The following RBFOX1 variants were observed in gnomAD, a reference collection of about 807,000 sequenced individuals.
RBFOX1 encodes the protein RNA binding fox-1 homolog 1.
Under a neutral mutation model 57.7 loss-of-function variants are expected in RBFOX1, and 8 were observed. That is an observed-to-expected ratio of 0.14 (90% CI 0.08 to 0.25). The LOEUF is 0.25. Among genes scored for constraint, RBFOX1 ranks in the 10% least tolerant of loss-of-function variants. The pLI is 1.00. For missense variants in RBFOX1, 611 were observed against 548.5 expected (o/e 1.11, Z -1.14); for synonymous variants, 326 against 222.4 (o/e 1.47, Z -4.15).
intron 3 of RBFOX1, among the ~76,000 whole-genome samples, chr16:6,744,850 T>C (rs1346928667): frequency 6.6e-6 from 1 of 152,030 alleles, no homozygotes; most frequent in African/African-American, 2.4e-5. Context: ...TTGAAATCAA[T>C]AAAACAGGTA....
rs916155028 is a variant in RBFOX1 at position 6,899,109 on chromosome 16, A to G, written c.-15-152948A>G. 7.9e-5 allele frequency among the ~76,000 whole-genome samples: 12 copies of G among 151,514 alleles called. No individual in the cohort carries two copies. In the East Asian group the frequency reaches 1.7e-3, roughly 22 times the overall value. On this transcript the variant is annotated intron_variant, in intron 3 of 15. Transcript: ENST00000550418. The stretch of plus-strand genomic sequence containing the variant: ...GTGTATAATGTGTGTACATCTGTGT[A>G]TACGTGTTTATGCATATGTGTATAT...
intron 1 of RBFOX1, among the ~76,000 whole-genome samples, chr16:5,315,593 T>C (rs1043186272): frequency 6.6e-6 from 1 of 152,174 alleles, no homozygotes; most frequent in South Asian, 2.1e-4. Context: ...GAATCACAAT[T>C]ATGCCTGATG....
chr16:6,403,319 G>T, intron 2 of RBFOX1, among the ~76,000 whole-genome samples: 1 of 152,154 alleles, frequency 6.6e-6, no homozygotes, highest in African/African-American at 2.4e-5. Context: ...AAGAACCCAA[G>T]CAATAAGGGG....
At chr16:5,269,878 G>T (rs373873269) in intron 1 of RBFOX1, among the ~76,000 whole-genome samples, 9 of 152,158 alleles carry the variant, frequency 5.9e-5, no homozygotes, top group African/African-American at 1.9e-4. Context: ...TTCCAGGCTG[G>T]GCATGGTGGC....
intron 4 of RBFOX1, among the ~76,000 whole-genome samples, chr16:5,893,413 A>T (rs1467042013): frequency 1.3e-5 from 2 of 152,218 alleles, no homozygotes; most frequent in Non-Finnish European, 2.9e-5. Flanking sequence ...TAACTAAAAG[A>T]GTCTAACTGG....
rs531792610 is a variant in RBFOX1 at position 7,618,532 on chromosome 16, GT to G, written c.676+11203del. Among the ~76,000 whole-genome samples the G allele has an allele frequency of 3.9e-3, 592 of 150,652 alleles. 1 individual carries two copies. Among genetic ancestry groups the G allele is most frequent in the Non-Finnish European group, 5.9e-3 (396 of 67,560 alleles). On this transcript the variant is annotated intron_variant, in intron 10 of 15. Transcript: ENST00000550418. Reference sequence around the variant, plus strand: ...AGCGATTTCAAACGCAAGGTGACATGTTTTTTTTTAATGTTTTAACTTGTTA... The same window carrying G: ...AGCGATTTCAAACGCAAGGTGACATGTTTTTTTTAATGTTTTAACTTGTTA...
intron 4 of RBFOX1, among the ~76,000 whole-genome samples, chr16:5,873,164 A>AAAC (rs57510700): frequency 0.21 from 31,855 of 151,550 alleles, 3,688 homozygotes; most frequent in African/African-American, 0.3. Context: ...ACAAAGAAAC[A>AAAC]AACAACAACA....
At chr16:6,414,132 C>A (rs1340913100) in intron 2 of RBFOX1, among the ~76,000 whole-genome samples, 3 of 152,158 alleles carry the variant, frequency 2.0e-5, no homozygotes, top group South Asian at 2.1e-4. Context: ...CAGCACAGGC[C>A]CTTGGACAAT....
At chr16:7,557,510 C>G (rs1458690888) in intron 5 of RBFOX1, among the ~76,000 whole-genome samples, 2 of 150,010 alleles carry the variant, frequency 1.3e-5, no homozygotes, top group Non-Finnish European at 3.0e-5. Context: ...ATCCCACCTA[C>G]TCGAGAGGCT....
intron 4 of RBFOX1, among the ~76,000 whole-genome samples, chr16:5,969,721 T>A (rs1270075858): frequency 6.6e-6 from 1 of 152,084 alleles, no homozygotes; most frequent in Admixed American, 6.6e-5. Context: ...CTTCTTTTCA[T>A]GTAGTTTTAA....
intron 3 of RBFOX1, among the ~76,000 whole-genome samples, chr16:7,020,597 C>G (rs911521916): frequency 3.3e-5 from 5 of 152,122 alleles, no homozygotes; most frequent in African/African-American, 1.2e-4. Context: ...TGTGTTTTAT[C>G]AAAGCAACCA....
In RBFOX1 at chr16:7,354,346, A is replaced by G. The variant is rs577258556; in HGVS notation, c.28-163801A>G. Among the ~76,000 whole-genome samples the G allele has an allele frequency of 3.5e-4, 53 of 152,320 alleles. 1 individual carries two copies. Among genetic ancestry groups the G allele is most frequent in the South Asian group, 2.7e-3 (13 of 4,828 alleles). ...CAAAAAATATGTTGAAAACAAAGCA[A>G]TGTCATCAAATTCTTTCTATTACCT... is the stretch of plus-strand genomic sequence containing the variant. On this transcript the variant is annotated intron_variant, in intron 4 of 15. Transcript: ENST00000550418.
At chr16:7,388,579 C>G (rs1043328557) in intron 4 of RBFOX1, among the ~76,000 whole-genome samples, 1 of 149,642 alleles carries the variant, frequency 6.7e-6, no homozygotes, top group African/African-American at 2.5e-5. Context: ...TCATATGGTT[C>G]TAGGGAGGAC....
Position 6,878,507 on chromosome 16 carries a change from A to G in RBFOX1, c.-15-173550A>G, listed in dbSNP as rs1233443262. On this transcript the variant is annotated intron_variant, in intron 3 of 15. Transcript: ENST00000550418. The stretch of plus-strand genomic sequence containing the variant: ...TGGACATGTGATATGAGCAAGAAAT[A>G]AACTTTTGTTATTCCTGGACCTTTT... Among the ~76,000 whole-genome samples the G allele has an allele frequency of 2.0e-5, 3 of 152,334 alleles. 1 individual carries two copies. Among genetic ancestry groups the G allele is most frequent in the South Asian group, 4.1e-4 (2 of 4,830 alleles).
Position 7,636,873 on chromosome 16 carries a change from T to C in RBFOX1, c.757+6190T>C, listed in dbSNP as rs2061850463. ...AGAGAGAGAGAGGAATAGAGCAATC[T>C]CTGGTGTCTCTTCATATAAGGGCAT... On this transcript the variant is annotated intron_variant, in intron 11 of 15. Coordinates refer to ENST00000550418, the MANE Select transcript of RBFOX1 (RefSeq NM_018723.4). 2.0e-5 allele frequency among the ~76,000 whole-genome samples: 3 copies of C among 152,122 alleles called. No individual in the cohort carries two copies. The South Asian group carries it at 6.2e-4, about 31-fold the overall frequency.
At chr16:6,865,639 C>G (rs936487306) in intron 3 of RBFOX1, among the ~76,000 whole-genome samples, 1 of 152,094 alleles carries the variant, frequency 6.6e-6, no homozygotes, top group Non-Finnish European at 1.5e-5. Flanking sequence ...GAGATGTATT[C>G]TTCATGACGT....
chr16:6,847,270 G>A (rs537331759), intron 3 of RBFOX1, among the ~76,000 whole-genome samples: 1 of 152,260 alleles, frequency 6.6e-6, no homozygotes, highest in South Asian at 2.1e-4. Flanking sequence ...GGCTGGCTGG[G>A]GTTTGGCTGG....
At chr16:5,935,704 A>G (rs1435499644) in intron 4 of RBFOX1, among the ~76,000 whole-genome samples, 1 of 152,218 alleles carries the variant, frequency 6.6e-6, no homozygotes, top group African/African-American at 2.4e-5. Flanking sequence ...ATGTTAAAGC[A>G]ACAGAATATA....
chr16:5,968,013 A>G (rs1487417982), intron 4 of RBFOX1, among the ~76,000 whole-genome samples: 2 of 152,144 alleles, frequency 1.3e-5, no homozygotes, highest in Admixed American at 1.3e-4. Context: ...AGTTCTACAA[A>G]TAACCATCCT....
Sources: gnomAD v4.1 joint callset for allele counts (sites outside exome capture counted in the v4.1 genomes callset) on GRCh38, gnomAD v4.1.1 for gene constraint, MANE v1.5 for transcripts, NCBI Gene and HGNC (gene_info 2026-07-23, HGNC 2026-07-21) for gene names.